Variants in CDKAL1 observed in about 807,000 individuals in gnomAD.
The protein encoded by CDKAL1 is CDKAL1 threonylcarbamoyladenosine tRNA methylthiotransferase, also known as threonylcarbamoyladenosine tRNA methylthiotransferase.
Under a neutral mutation model 68.2 loss-of-function variants are expected in CDKAL1, and 32 were observed. The ratio of observed to expected loss-of-function variants is 0.47; its 90% CI spans 0.35 to 0.63. CDKAL1 has a LOEUF of 0.63. Among genes scored for constraint, CDKAL1 ranks in the 30% least tolerant of loss-of-function variants. The pLI, the probability that CDKAL1 is intolerant of heterozygous loss-of-function variation, is 0.00. For missense variants in CDKAL1, 606 were observed against 696.7 expected (o/e 0.87, Z 1.47); for synonymous variants, 234 against 244.3 (o/e 0.96, Z 0.39).
chr6:20,772,030 GGC>G (rs1561764407), intron 7 of CDKAL1, among the ~76,000 whole-genome samples: 1 of 152,144 alleles, frequency 6.6e-6, no homozygotes, highest in Non-Finnish European at 1.5e-5. Flanking sequence ...AGTTAACTGT[GGC>G]TTACAAGTTC....
intron 15 of CDKAL1, among the ~76,000 whole-genome samples, chr6:21,220,201 C>T (rs934538069): frequency 1.3e-5 from 2 of 150,246 alleles, no homozygotes; most frequent in South Asian, 2.1e-4. Flanking sequence ...TGCGTGCGTG[C>T]GTGTGTGTGT....
chr6:20,766,151 T>C (rs113996347), intron 7 of CDKAL1, among the ~76,000 whole-genome samples: 2,410 of 152,336 alleles, frequency 0.016, 32 homozygotes, highest in Non-Finnish European at 0.023. Context: ...AATTTAATTA[T>C]ACAGCTTTAG....
intron 13 of CDKAL1, chr6:21,135,603 G>A (rs751901740): frequency 1.4e-6 from 1 of 730,442 alleles, no homozygotes; most frequent in Non-Finnish European, 1.7e-6. Flanking sequence ...TATGCTAGTT[G>A]ACTACATAAT....
intron 4 of CDKAL1, among the ~76,000 whole-genome samples, chr6:20,595,883 A>G (rs1050774547): frequency 2.0e-5 from 3 of 151,838 alleles, no homozygotes; most frequent in African/African-American, 7.3e-5. Context: ...GTTGATGTTG[A>G]TGCTATTCCT....
At chr6:20,894,233 ATT>A (rs1197463678) in intron 9 of CDKAL1, among the ~76,000 whole-genome samples, 1 of 151,990 alleles carries the variant, frequency 6.6e-6, no homozygotes, top group Non-Finnish European at 1.5e-5. Context: ...TACCTTAACT[ATT>A]TTTTGGTCAG....
chr6:20,842,859 A>C (rs978169975), intron 8 of CDKAL1, among the ~76,000 whole-genome samples: 5 of 152,168 alleles, frequency 3.3e-5, no homozygotes, highest in African/African-American at 1.2e-4. Context: ...AAATCAAAAA[A>C]TTATCATGTC....
chr6:20,879,033 C>T (rs917136481), intron 9 of CDKAL1, among the ~76,000 whole-genome samples: 23 of 151,464 alleles, frequency 1.5e-4, no homozygotes, highest in African/African-American at 4.6e-4. Flanking sequence ...GAGCCGAGAT[C>T]GCACCATTGC....
At chr6:20,864,420 G>T (rs905283087) in intron 9 of CDKAL1, among the ~76,000 whole-genome samples, 1 of 151,936 alleles carries the variant, frequency 6.6e-6, no homozygotes, top group African/African-American at 2.4e-5. Context: ...ACTATTATTT[G>T]TTTATTTAAC....
intron 10 of CDKAL1, among the ~76,000 whole-genome samples, chr6:20,973,781 T>G (rs1169633898): frequency 2.0e-5 from 3 of 151,960 alleles, no homozygotes; most frequent in African/African-American, 7.3e-5. Flanking sequence ...ATTTTTGTAT[T>G]TTTAGGAAAG....
chr6:20,798,514 A>G (rs1340001467), intron 8 of CDKAL1, among the ~76,000 whole-genome samples: 1 of 152,150 alleles, frequency 6.6e-6, no homozygotes, highest in African/African-American at 2.4e-5. Flanking sequence ...GAACCAACCC[A>G]AATGTCCATC....
In CDKAL1 at chr6:21,055,231, AT is replaced by A. The variant is rs572095949; in HGVS notation, c.1056-9809del. On this transcript the variant is annotated intron_variant, in intron 11 of 15. Transcript: ENST00000274695. ...TAAAAAGTGGTCATGATATATAATC[AT>A]TTTTTTTAATTTTGCCAGGTTCAGT... Among the ~76,000 whole-genome samples the A allele has an allele frequency of 2.2e-3, 334 of 151,792 alleles. 6 individuals carry two copies. Among genetic ancestry groups the A allele is most frequent in the Admixed American group, 0.019 (296 of 15,236 alleles).
At chr6:21,138,493 T>C in intron 13 of CDKAL1, among the ~76,000 whole-genome samples, 1 of 152,202 alleles carries the variant, frequency 6.6e-6, no homozygotes, top group Non-Finnish European at 1.5e-5. Context: ...CTGTGAAACT[T>C]TGGGCACGTT....
chr6:20,605,184 T>C (rs1766279992), intron 4 of CDKAL1, among the ~76,000 whole-genome samples: 1 of 152,146 alleles, frequency 6.6e-6, no homozygotes, highest in African/African-American at 2.4e-5. Flanking sequence ...CTCTTAGTAC[T>C]TCCATCCCCA....
chr6:20,791,440 T>C (rs1775895433), intron 8 of CDKAL1, among the ~76,000 whole-genome samples: 1 of 152,172 alleles, frequency 6.6e-6, no homozygotes, highest in South Asian at 2.1e-4. Context: ...TTTTTTTCAA[T>C]AAACCATAAC....
chr6:20,662,142 T>C (rs536334107), intron 5 of CDKAL1, among the ~76,000 whole-genome samples: 1 of 152,178 alleles, frequency 6.6e-6, no homozygotes, highest in African/African-American at 2.4e-5. Context: ...GTGACAAACA[T>C]AATCTTTCAT....
At chr6:21,015,821 G>A (rs1029911390) in intron 11 of CDKAL1, among the ~76,000 whole-genome samples, 5 of 151,672 alleles carry the variant, frequency 3.3e-5, no homozygotes, top group African/African-American at 7.3e-5. Context: ...CATGGCGCGC[G>A]CCTATAATCC....
At chr6:21,184,821 TA>T (rs1777941971) in intron 13 of CDKAL1, among the ~76,000 whole-genome samples, 1 of 114,324 alleles carries the variant, frequency 8.7e-6, no homozygotes, top group Admixed American at 9.5e-5. Context: ...CACGTGCAGC[TA>T]ATTTTTTTTT....
At chr6:20,617,862 G>T (rs1766992802) in intron 4 of CDKAL1, among the ~76,000 whole-genome samples, 2 of 152,122 alleles carry the variant, frequency 1.3e-5, no homozygotes, top group Admixed American at 1.3e-4. Flanking sequence ...ATTGTGAATA[G>T]TGCCGCAATA....
intron 7 of CDKAL1, among the ~76,000 whole-genome samples, chr6:20,763,110 G>A (rs911462547): frequency 6.6e-6 from 1 of 152,104 alleles, no homozygotes; most frequent in African/African-American, 2.4e-5. Flanking sequence ...GACCTGTATG[G>A]ATTGAATCAG....
Sources: allele counts gnomAD v4.1 joint callset (sites outside exome capture counted in the v4.1 genomes callset), GRCh38; gene constraint gnomAD v4.1.1; transcripts MANE v1.5; gene names NCBI Gene and HGNC (gene_info 2026-07-23, HGNC 2026-07-21).